Variants in AMMECR1 observed in about 807,000 individuals in gnomAD.
AMMECR1 encodes nuclear protein AMMECR1.
AMMECR1 carries 3 observed loss-of-function variants against 22.5 expected under a neutral mutation model. That is an observed-to-expected ratio of 0.13 (90% confidence interval 0.06 to 0.35). The LOEUF (loss-of-function observed/expected upper bound fraction) is 0.35. Among genes scored for constraint, AMMECR1 ranks in the 10% least tolerant of loss-of-function variants. AMMECR1 has a pLI of 1.00. For synonymous variants in AMMECR1, 130 were observed against 116.7 expected (o/e 1.11, Z -0.74); for missense variants, 235 against 278.7 (o/e 0.84, Z 1.12).
intron 1 of AMMECR1, among the ~76,000 whole-genome samples, chrX:110,298,023 G>A (rs992147143): frequency 9.0e-6 from 1 of 111,488 alleles, no homozygotes; most frequent in Non-Finnish European, 1.9e-5. Flanking sequence ...ATAAACGTTT[G>A]GCTGTATTTC....
intron 1 of AMMECR1, among the ~76,000 whole-genome samples, chrX:110,295,623 T>C (rs151126834): frequency 0.011 from 1,248 of 112,023 alleles, 17 homozygotes; most frequent in African/African-American, 0.039. Flanking sequence ...GGAAATAATC[T>C]ATAACCTCAC....
At chrX:110,228,920 A>T (rs1240608063) in intron 2 of AMMECR1, among the ~76,000 whole-genome samples, 1 of 112,384 alleles carries the variant, frequency 8.9e-6, no homozygotes, top group Non-Finnish European at 1.9e-5. Context: ...TTTAAAATAG[A>T]GTATTTGGTT....
chrX:110,349,555 T>C (rs1202399141), intron 2 of AMMECR1, among the ~76,000 whole-genome samples: 1 of 111,815 alleles, frequency 8.9e-6, no homozygotes, highest in East Asian at 2.8e-4. Context: ...GTAAAAGCAG[T>C]TGGGCAGGAA....
upstream of AMMECR1, among the ~76,000 whole-genome samples, chrX:110,318,504 A>C (rs1265481707): frequency 9.0e-6 from 1 of 110,588 alleles, no homozygotes; most frequent in Non-Finnish European, 1.9e-5. Context: ...GTAGGGGGGA[A>C]GAAAGGAGAA....
At position 110,317,953 on chromosome X, in the gene AMMECR1, C is replaced by G. The variant is rs753848140; in HGVS notation, c.119G>C (p.Arg40Pro). Residue 40 changes from arginine to proline, a missense_variant, in exon 1 of 6, where the codon CGA (arginine) becomes CCA (proline). By Grantham distance (103) the Arg-to-Pro change is moderately radical. Coordinates refer to ENST00000262844, the MANE Select transcript of AMMECR1 (RefSeq NM_015365.3). ...SSHCSGESQC[R>P]AGELGLGGAG... ...GCCTCCTAGTCCCAGCTCCCCAGCT[C>G]GGCACTGGCTCTCTCCGCTGCAGTG... is the stretch of plus-strand genomic sequence containing the variant. The G allele has an allele frequency of 1.7e-6, 2 of 1,199,402 alleles. No individual in the cohort carries two copies. Among genetic ancestry groups the G allele is most frequent in the South Asian group, 3.6e-5 (2 of 54,949 alleles).
intron 2 of AMMECR1, among the ~76,000 whole-genome samples, chrX:110,414,956 G>T (rs755930878): frequency 2.7e-5 from 3 of 111,863 alleles, no homozygotes; most frequent in Non-Finnish European, 5.6e-5. Flanking sequence ...GAAGAAAGAA[G>T]AAAGCATATA....
At chrX:110,279,093 C>A (rs188010340) in intron 1 of AMMECR1, among the ~76,000 whole-genome samples, 55 of 112,072 alleles carry the variant, frequency 4.9e-4, no homozygotes, top group Non-Finnish European at 9.4e-4. Context: ...TAAATACTAA[C>A]CAAATATCCA....
At chrX:110,240,227 TG>T (rs1023373088) in intron 2 of AMMECR1, among the ~76,000 whole-genome samples, 22 of 109,840 alleles carry the variant, frequency 2.0e-4, no homozygotes, top group African/African-American at 6.3e-4. Flanking sequence ...TAAATGTAAA[TG>T]GGCTAAATGC....
Position 110,214,809 on chromosome X carries a change from C to T in AMMECR1, c.699+1709G>A, listed in dbSNP as rs191982373. 6.3e-5 allele frequency among the ~76,000 whole-genome samples: 7 copies of T among 111,360 alleles called. No individual in the cohort carries two copies. In the East Asian group the frequency reaches 2.0e-3, roughly 31 times the overall value. The stretch of plus-strand genomic sequence containing the variant: ...GTGTTCTTGTAGCTTGGTCATCCCC[C>T]TTGGATCTCAGGCTTTTCCCATATA... On this transcript the variant is annotated intron_variant, in intron 3 of 5. Transcript: ENST00000262844.
intron 2 of AMMECR1, among the ~76,000 whole-genome samples, chrX:110,249,853 T>A (rs1276850214): frequency 9.1e-6 from 1 of 109,907 alleles, no homozygotes; most frequent in African/African-American, 3.3e-5. Context: ...TGAGCTGAGA[T>A]CATGCCACTG....
At position 110,326,460 on chromosome X, in the gene AMMECR1, G is replaced by C. The variant is rs371804975; in HGVS notation, c.-147-8611C>G. 1.1e-4 allele frequency among the ~76,000 whole-genome samples: 12 copies of C among 111,310 alleles called. No homozygotes were observed. In the East Asian group the frequency reaches 1.1e-3, roughly 10 times the overall value. On this transcript the variant is annotated intron_variant, in intron 2 of 7. Coordinates refer to the AMMECR1 transcript ENST00000372057. Reference sequence around the variant, plus strand: ...TTTTTTATTTCTAATTTCATTCCACGGTGGTAGATAATATATTTGGTGTGA... The same window carrying C: ...TTTTTTATTTCTAATTTCATTCCACCGTGGTAGATAATATATTTGGTGTGA...
At chrX:110,229,584 T>C (rs1170908451) in intron 2 of AMMECR1, among the ~76,000 whole-genome samples, 1 of 112,336 alleles carries the variant, frequency 8.9e-6, no homozygotes, top group Non-Finnish European at 1.9e-5. Flanking sequence ...GCTCCCAGCA[T>C]GACCAATGCA....
chrX:110,236,646 A>C (rs1221621955), intron 2 of AMMECR1, among the ~76,000 whole-genome samples: 1 of 112,512 alleles, frequency 8.9e-6, no homozygotes, highest in East Asian at 2.8e-4. Context: ...TGGTAAATAA[A>C]TATTTAGTGA....
intron 2 of AMMECR1, among the ~76,000 whole-genome samples, chrX:110,362,973 C>G (rs1039007907): frequency 5.4e-5 from 6 of 111,862 alleles, no homozygotes; most frequent in African/African-American, 1.9e-4. Flanking sequence ...GTAATTTGCT[C>G]AAGGCCCCAC....
intron 2 of AMMECR1, among the ~76,000 whole-genome samples, chrX:110,341,828 C>A (rs941280401): frequency 7.1e-5 from 8 of 112,136 alleles, no homozygotes; most frequent in Non-Finnish European, 1.3e-4. Flanking sequence ...ACTGGGAGGA[C>A]GAGGCAGGTG....
At chrX:110,416,195 T>C (rs1348847444) in intron 2 of AMMECR1, among the ~76,000 whole-genome samples, 2 of 111,527 alleles carry the variant, frequency 1.8e-5, no homozygotes, top group Non-Finnish European at 3.8e-5. Flanking sequence ...CTGAGTTTCA[T>C]AGAGGCTCAG....
At chrX:110,257,172 G>C in intron 2 of AMMECR1, among the ~76,000 whole-genome samples, 1 of 111,912 alleles carries the variant, frequency 8.9e-6, no homozygotes, top group Middle Eastern at 4.2e-3. Flanking sequence ...TACAATATTT[G>C]TGTTCTAACT....
chrX:110,331,825 G>C (rs1253731150), intron 2 of AMMECR1, among the ~76,000 whole-genome samples: 2 of 111,464 alleles, frequency 1.8e-5, no homozygotes, highest in Non-Finnish European at 3.8e-5. Context: ...CCAAGACTTT[G>C]TACTCTGGTC....
At chrX:110,321,941 G>T (rs1056609217), upstream of AMMECR1, among the ~76,000 whole-genome samples, 1 of 112,340 alleles carries the variant, frequency 8.9e-6, no homozygotes, top group African/African-American at 3.2e-5. Context: ...GAATGAATAC[G>T]TGAGTAAATA....
Sources: gnomAD v4.1 joint callset for allele counts (sites outside exome capture counted in the v4.1 genomes callset) on GRCh38, gnomAD v4.1.1 for gene constraint, MANE v1.5 for transcripts, NCBI Gene and HGNC (gene_info 2026-07-23, HGNC 2026-07-21) for gene names.